DMD: variants seen among roughly 807,000 people sequenced by gnomAD.
The protein encoded by DMD is mutant dystrophin.
A neutral mutation model predicts 330.1 loss-of-function variants in DMD; 63 were observed. That is an observed-to-expected ratio of 0.19 (90% CI 0.16 to 0.24). The LOEUF is 0.24. Ranked by LOEUF, DMD falls within the 10% of genes least tolerant of loss-of-function variation. The pLI is 1.00. For missense variants in DMD, 3,344 were observed against 2,684.1 expected (o/e 1.25, Z -5.43); for synonymous variants, 1,223 against 959.8 (o/e 1.27, Z -5.07).
intron 71 of DMD, 75 bp downstream of exon 71, chrX:31,177,857 T>C (rs1602407350): frequency 4.4e-6 from 4 of 912,111 alleles, no homozygotes; most frequent in South Asian, 2.1e-5. Flanking sequence ...AACAAACAAA[T>C]AAACAGAACA....
chrX:32,069,042 T>C (rs1322855602), intron 44 of DMD, among the ~76,000 whole-genome samples: 1 of 111,973 alleles, frequency 8.9e-6, no homozygotes, highest in African/African-American at 3.2e-5. Flanking sequence ...GGACAAAGTA[T>C]CTGAAATGTT....
intron 2 of DMD, among the ~76,000 whole-genome samples, chrX:32,945,397 T>C (rs1391372129): frequency 2.7e-5 from 3 of 111,559 alleles, no homozygotes; most frequent in Non-Finnish European, 5.7e-5. Flanking sequence ...TTCCCATTAG[T>C]TATAATAGTT....
intron 33 of DMD, among the ~76,000 whole-genome samples, chrX:32,382,649 C>T (rs5927979): frequency 0.096 from 10,306 of 107,082 alleles, 528 homozygotes; most frequent in East Asian, 0.27. Context: ...AGCATCTGCC[C>T]TTTTGACTGC....
At chrX:32,517,897 AT>A (rs1292042669) in intron 18 of DMD, 110 bp downstream of exon 18, 8 of 865,604 alleles carry the variant, frequency 9.2e-6, no homozygotes, top group Non-Finnish European at 1.4e-5. Flanking sequence ...ATTAAACAGC[AT>A]TTTATCATAT....
At chrX:32,470,665 C>A (rs2040532630) in intron 22 of DMD, among the ~76,000 whole-genome samples, 1 of 110,999 alleles carries the variant, frequency 9.0e-6, no homozygotes, top group Non-Finnish European at 1.9e-5. Flanking sequence ...ACTTTGGAAT[C>A]ATTATGCCAA....
intron 43 of DMD, among the ~76,000 whole-genome samples, chrX:32,268,466 G>A (rs2097352931): frequency 9.0e-6 from 1 of 111,399 alleles, no homozygotes; most frequent in South Asian, 3.8e-4. Flanking sequence ...TGCCTTCCCA[G>A]ACTTTCTCCA....
At chrX:32,831,533 T>C (rs2079145038) in intron 4 of DMD, among the ~76,000 whole-genome samples, 1 of 109,936 alleles carries the variant, frequency 9.1e-6, no homozygotes, top group Non-Finnish European at 1.9e-5. Context: ...AACTTGAAAA[T>C]AATTTCAATA....
At chrX:32,124,843 G>A (rs145943546) in intron 44 of DMD, among the ~76,000 whole-genome samples, 2 of 110,108 alleles carry the variant, frequency 1.8e-5, no homozygotes, top group African/African-American at 6.6e-5. Context: ...GATCAAGACC[G>A]GTAAGACGGG....
chrX:31,788,191 G>T (rs1402925980), intron 50 of DMD, among the ~76,000 whole-genome samples: 1 of 111,640 alleles, frequency 9.0e-6, no homozygotes, highest in Non-Finnish European at 1.9e-5. Flanking sequence ...TGTAAAGAGT[G>T]TATGGAAAAG....
chrX:32,742,259 G>C (rs1409737317), intron 7 of DMD, among the ~76,000 whole-genome samples: 1 of 111,932 alleles, frequency 8.9e-6, no homozygotes, highest in Admixed American at 9.6e-5. Flanking sequence ...TTTTTAGGAG[G>C]AAAGAATGAT....
rs746387356 is a variant in DMD, at chrX:32,872,789, A to C, written c.94-22969T>G. ...TAAGCCACAGTAGAGATGTTAAACT[A>C]AATGTAATAGAGATGCTTTTACAGG... On this transcript the variant is annotated intron_variant, in intron 2 of 78. Coordinates refer to ENST00000357033, the MANE Select transcript of DMD (RefSeq NM_004006.3). Among the ~76,000 whole-genome samples the C allele has an allele frequency of 2.7e-5, 3 of 111,955 alleles. 1 individual carries two copies. The highest frequency in any genetic ancestry group is 2.8e-4 in the East Asian group (1 of 3,542).
intron 17 of DMD, among the ~76,000 whole-genome samples, chrX:32,530,802 C>A (rs1027363904): frequency 8.9e-6 from 1 of 111,970 alleles, no homozygotes; most frequent in Non-Finnish European, 1.9e-5. Flanking sequence ...AAGAAAATCA[C>A]CTTAACACAG....
chrX:31,823,665 C>T (rs768175020), intron 49 of DMD, among the ~76,000 whole-genome samples: 3 of 110,259 alleles, frequency 2.7e-5, no homozygotes, highest in African/African-American at 9.9e-5. Flanking sequence ...ACTGCAGCCT[C>T]GACTTCCTAG....
intron 1 of DMD, among the ~76,000 whole-genome samples, chrX:33,100,815 C>G (rs1371946219): frequency 2.7e-5 from 3 of 111,926 alleles, no homozygotes; most frequent in Admixed American, 9.5e-5. Context: ...TTGTAAAACT[C>G]CTGAATTTGG....
At chrX:31,321,043 T>C (rs888098367) in intron 62 of DMD, among the ~76,000 whole-genome samples, 2 of 111,074 alleles carry the variant, frequency 1.8e-5, no homozygotes, top group Non-Finnish European at 3.8e-5. Context: ...GAAATTGGAG[T>C]GGGTTGATAG....
chrX:32,193,658 C>T (rs2096985807), intron 44 of DMD, among the ~76,000 whole-genome samples: 1 of 111,299 alleles, frequency 9.0e-6, no homozygotes, highest in Admixed American at 9.6e-5. Context: ...GTGCCTACTG[C>T]GTGGTGTTCA....
chrX:32,427,981 G>T (rs7050950), intron 29 of DMD, among the ~76,000 whole-genome samples: 22,318 of 109,855 alleles, frequency 0.2, 2,297 homozygotes, highest in African/African-American at 0.4. Context: ...TTTTATATTT[G>T]TTTTTACTTC....
intron 2 of DMD, among the ~76,000 whole-genome samples, chrX:32,888,812 G>A (rs750665590): frequency 1.4e-4 from 16 of 111,933 alleles, no homozygotes; most frequent in African/African-American, 4.5e-4. Context: ...ACACACAATG[G>A]AACACTATTC....
chrX:31,512,502 G>A (rs1192235262), intron 55 of DMD, among the ~76,000 whole-genome samples: 17 of 98,263 alleles, frequency 1.7e-4, no homozygotes, highest in Non-Finnish European at 2.9e-4. Context: ...ATCTTGAATT[G>A]ATTTTTGTAT....
Sources: gnomAD v4.1 joint callset for allele counts (sites outside exome capture counted in the v4.1 genomes callset) on GRCh38, gnomAD v4.1.1 for gene constraint, MANE v1.5 for transcripts, NCBI Gene and HGNC (gene_info 2026-07-23, HGNC 2026-07-21) for gene names.